The following ABCA7 variants were observed in gnomAD, a reference collection of about 807,000 sequenced individuals.
ABCA7 encodes phospholipid-transporting ATPase ABCA7.
A neutral mutation model predicts 227.6 loss-of-function variants in ABCA7; 261 were observed. The ratio of observed to expected loss-of-function variants is 1.15; its 90% CI spans 1.04 to 1.27. The LOEUF (loss-of-function observed/expected upper bound fraction) is 1.27. Among genes scored for constraint, ABCA7 ranks in the 50% most tolerant of loss-of-function variants. ABCA7 has a pLI of 0.00. For missense variants in ABCA7, 3,331 were observed against 2,924.5 expected (o/e 1.14, Z -3.21); for synonymous variants, 1,488 against 1,279.7 (o/e 1.16, Z -3.47).
chr19:1,044,238 CTTTTT>C (rs4147941), intron 10 of ABCA7, among the ~76,000 whole-genome samples: 22 of 69,672 alleles, frequency 3.2e-4, no homozygotes, highest in Non-Finnish European at 5.3e-4. Flanking sequence ...CCACGTCCTG[CTTTTT>C]TTTTTTTTTT....
intron 41 of ABCA7, 68 bp downstream of exon 41, chr19:1,061,956 C>A: frequency 1.4e-6 from 2 of 1,477,684 alleles, no homozygotes; most frequent in South Asian, 1.3e-5. Flanking sequence ...TTCCCCACCC[C>A]TCCACCTCCA....
chr19:1,061,864 G>A lies in ABCA7; in HGVS notation c.5546G>A (p.Gly1849Asp). The stretch of plus-strand genomic sequence containing the variant: ...ACGGGGGACACATTGGCCAGCAGGG[G>A]CGAGGCTGTGCTGGCAGGCCACAGG... ...MVTGDTLASR[G>D]EAVLAGHSVA... is the part of the protein sequence containing the mutation. The change falls in exon 41 of 47, where the codon GGC (glycine) becomes GAC (aspartate). Residue 1849 changes from glycine (G) to aspartate (D), a missense_variant. Physicochemically the swap from Gly to Asp is moderately conservative, Grantham distance 94. Transcript: ENST00000263094. The A allele has an allele frequency of 6.3e-7, 1 of 1,599,406 alleles. No homozygotes were observed.
rs372838485 is a variant in ABCA7, at chr19:1,056,260, C to G, written c.4416+17C>G. 143 of 1,588,886 alleles carry G rather than the reference C, an allele frequency of 9.0e-5. No individual in the cohort carries two copies. Among genetic ancestry groups the G allele is most frequent in the Middle Eastern group, 1.7e-4 (1 of 5,994 alleles). On this transcript the variant is annotated intron_variant, in intron 32 of 46. Transcript: ENST00000263094. This position sits in a 1 kb window ranked among gnomAD's most constrained non-coding sequence, Gnocchi z 4.3. ...AGTCTCAAGGTGGGAACTGGGGGGG[C>G]AGGTGGGCGTCCTGTCACAGCAAGG...
intron 16 of ABCA7, among the ~76,000 whole-genome samples, chr19:1,048,534 G>GC (rs1307514790): frequency 6.9e-6 from 1 of 145,320 alleles, no homozygotes; most frequent in Non-Finnish European, 1.5e-5. Context: ...ACAAGGCCGG[G>GC]CACGGTGGCT....
Position 1,041,507 on chromosome 19 carries a change from C to A in ABCA7, c.67-3C>A. ...CCACCGTCTCCCACCTATTCTCCCC[C>A]AGGTCCAGCTCCTGGTCGAATTGCT... On this transcript the variant is annotated splice_region_variant and splice_polypyrimidine_tract_variant and intron_variant, in intron 2 of 46. Transcript: ENST00000263094. 1 of 1,613,850 alleles carries A rather than the reference C, an allele frequency of 6.2e-7. No homozygotes were observed. Among genetic ancestry groups the A allele is most frequent in the South Asian group, 1.1e-5 (1 of 91,090 alleles).
intron 17 of ABCA7, 89 bp downstream of exon 17, chr19:1,049,094 C>A: frequency 1.0e-6 from 1 of 966,094 alleles, no homozygotes; most frequent in Non-Finnish European, 1.6e-6. Flanking sequence ...ATGACAATGA[C>A]CTGGACACCC....
rs76143039 is a variant in ABCA7, at chr19:1,048,510, CAAAA to C, written c.2270-374_2270-371del. On this transcript the variant is annotated intron_variant, in intron 16 of 46. Transcript: ENST00000263094. ...AAACTCAGTCTCAAAAAAAAAAAAA[CAAAA>C]AAAAAAAAAACAAGGCCGGGCACGG... 6.5e-4 allele frequency among the ~76,000 whole-genome samples: 34 copies of C among 52,192 alleles called. No homozygotes were observed. In the East Asian group the frequency reaches 0.022, roughly 34 times the overall value. The allele number at this position is 52,192 out of a possible 152,430, so 34.2% of individuals were successfully genotyped here. A position where few individuals can be genotyped will look rare whatever the true frequency, so the allele number is the denominator to read the frequency against.
chr19:1,064,904 C>T lies in ABCA7; in HGVS notation c.6045-27C>T, dbSNP rs752102302. The T allele has an allele frequency of 1.2e-5, 18 of 1,550,756 alleles. No homozygotes were observed. In the African/African-American group the frequency reaches 2.1e-4, roughly 18 times the overall value. On this transcript the variant is annotated intron_variant, in intron 45 of 46. Coordinates refer to ENST00000263094, the MANE Select transcript of ABCA7 (RefSeq NM_019112.4). ...GGTGGGACCTGGGAAAGGCCCGATC[C>T]GGTAGCCCTGGCCCCACTCACTGCA...
chr19:1,042,423 T>C, intron 6 of ABCA7, 26 bp downstream of exon 6: 2 of 1,610,238 alleles, frequency 1.2e-6, no homozygotes, highest in Non-Finnish European at 1.7e-6. Flanking sequence ...GGGACCGCGC[T>C]GACTTCCTGG....
In ABCA7 at chr19:1,046,912, GGGACA is replaced by G. The variant is rs1568271715; in HGVS notation, c.1734_1738del (p.Asp579HisfsTer183). 21 of 1,552,048 alleles carry G rather than the reference GGGACA, an allele frequency of 1.4e-5. No individual in the cohort carries two copies. The Middle Eastern group carries it at 1.7e-3, about 123-fold the overall frequency. The stretch of plus-strand genomic sequence containing the variant: ...GTGCGGGAGAAGGAGACGCGGCTGC[GGGACA>G]CCATGCGCGCCATGGGGCTCAGCCG... On this transcript the variant is annotated frameshift_variant, in exon 14 of 47. Transcript: ENST00000263094. LOFTEE classifies it high-confidence loss of function.
intron 16 of ABCA7, among the ~76,000 whole-genome samples, chr19:1,048,325 C>G (rs1463496895): frequency 6.7e-6 from 1 of 150,328 alleles, no homozygotes; most frequent in African/African-American, 2.5e-5. Context: ...TGGAGAAACC[C>G]CGTCTCTACT....
In ABCA7 at chr19:1,063,850, C is replaced by T; in HGVS notation, c.5938C>T (p.Leu1980Phe). ...GGTGCGGGAGGGCCGTTCAGTGATG[C>T]TCACCTCCCATAGGTGGGCCGGGCT... The part of the protein sequence containing the change: ...AVVREGRSVM[L>F]TSHSMEECEA... Residue 1980 changes from leucine (L) to phenylalanine (F), a missense_variant, in exon 44 of 47, where the codon CTC (leucine) becomes TTC (phenylalanine). Leu to Phe is a conservative substitution (Grantham distance 22). Coordinates refer to ENST00000263094, the MANE Select transcript of ABCA7 (RefSeq NM_019112.4). 2 of 1,537,328 alleles carry T rather than the reference C, an allele frequency of 1.3e-6. No homozygotes were observed.
rs761414561 is a variant in ABCA7, at chr19:1,065,260, C to T, written c.6286-10C>T. 4 of 1,612,870 alleles carry T rather than the reference C, an allele frequency of 2.5e-6. No individual in the cohort carries two copies. The highest frequency in any genetic ancestry group is 1.1e-5 in the South Asian group (1 of 91,060). On this transcript the variant is annotated splice_polypyrimidine_tract_variant and intron_variant, in intron 46 of 46. Transcript: ENST00000263094. ...GTCCCTCTTGTCCCCTCTGGGCTGC[C>T]CACCGCTAGGTATTCTTGTACTTCT...
chr19:1,061,813 G>A lies in ABCA7; in HGVS notation c.5495G>A (p.Gly1832Glu), dbSNP rs771374351. The change falls in exon 41 of 47, where the codon GGG (glycine) becomes GAG (glutamate). Residue 1832 changes from glycine (G) to glutamate (E), a missense_variant. Physicochemically the swap from Gly to Glu is moderately conservative, Grantham distance 98. Transcript: ENST00000263094. ...CFGLLGVNGA[G>E]KTSTFRMVTG... ...GGGCTGCTGGGTGTGAATGGAGCAG[G>A]GAAGACGTCCACGTTTCGCATGGTG... 1 of 1,612,350 alleles carries A rather than the reference G, an allele frequency of 6.2e-7. No homozygotes were observed.
In ABCA7 at chr19:1,056,774, C is replaced by A; in HGVS notation, c.4587-133C>A. On this transcript the variant is annotated intron_variant, in intron 33 of 46. Transcript: ENST00000263094. The surrounding 1 kb of genome is among the most constrained non-coding windows in gnomAD (Gnocchi z 4.3). The stretch of plus-strand genomic sequence containing the variant: ...TGCCAAATCCCAGGCACCCTCATCC[C>A]TAAATTGCCCCTGCCATCTCTGCCA... The A allele has an allele frequency of 9.2e-7, 1 of 1,082,210 alleles. No homozygotes were observed. The highest frequency in any genetic ancestry group is 1.4e-6 in the Non-Finnish European group (1 of 734,034). 67.0% of individuals were successfully genotyped at this position (1,082,210 alleles called of 1,614,324 possible).
rs769911070 is a variant in ABCA7 at position 1,047,524 on chromosome 19, C to G, written c.2139C>G (p.Gly713=). Residue 713 remains glycine (G), a synonymous_variant, in exon 16 of 47, where the codon GGC becomes GGG. Transcript: ENST00000263094. Reference sequence around the variant, plus strand: ...CTCTGCTGGAGGAGCAGGGCGAGGGCGCGCAGTGGCACAACGTGGGCACCC... The same window carrying G: ...CTCTGCTGGAGGAGCAGGGCGAGGGGGCGCAGTGGCACAACGTGGGCACCC... ...SLALLEEQGE[G]AQWHNVGTRP... 2 of 1,592,878 alleles carry G rather than the reference C, an allele frequency of 1.3e-6. No individual in the cohort carries two copies. Among genetic ancestry groups the G allele is most frequent in the South Asian group, 2.2e-5 (2 of 89,542 alleles).
chr19:1,060,678 A>G (rs1012632036), intron 40 of ABCA7, among the ~76,000 whole-genome samples: 4 of 150,874 alleles, frequency 2.7e-5, no homozygotes, highest in Non-Finnish European at 5.9e-5. Context: ...CGCCACCACA[A>G]CCGGCTAATT....
chr19:1,041,862 G>C lies in ABCA7; in HGVS notation c.192G>C (p.Ala64=), dbSNP rs370701255. The change falls in exon 4 of 47, where the codon GCG becomes GCC. Residue 64 remains alanine, a synonymous_variant. Transcript: ENST00000263094. ...CHFPNKPLPS[A]GTVPWLQGLI... ...TCCCAAACAAGCCACTGCCATCGGC[G>C]GGCACCGTGCCCTGGCTCCAGGGTC... 1.3e-6 allele frequency: 2 copies of C among 1,599,282 alleles called. No homozygotes were observed. The highest frequency in any genetic ancestry group is 1.7e-6 in the Non-Finnish European group (2 of 1,177,394).
intron 42 of ABCA7, among the ~76,000 whole-genome samples, chr19:1,063,298 G>A (rs2042801477): frequency 1.2e-5 from 1 of 80,284 alleles, no homozygotes; most frequent in South Asian, 4.2e-4. Flanking sequence ...CTATGGCCCT[G>A]CCCCACACCC....
Sources: gnomAD v4.1 joint callset for allele counts (sites outside exome capture counted in the v4.1 genomes callset) on GRCh38, gnomAD v4.1.1 for gene constraint, Gnocchi (gnomAD v3.1) non-coding constraint, MANE v1.5 for transcripts, NCBI Gene and HGNC (gene_info 2026-07-23, HGNC 2026-07-21) for gene names.